The following ACTR3C variants were observed in gnomAD, a reference collection of about 807,000 sequenced individuals.
ACTR3C encodes actin related protein 3C, also known as actin-related protein 3C.
A neutral mutation model predicts 26.3 loss-of-function variants in ACTR3C; 18 were observed. The ratio of observed to expected loss-of-function variants is 0.68; its 90% CI spans 0.47 to 1.01. The LOEUF is 1.01. ACTR3C is among the 50% of genes least tolerant of loss of function. The probability of loss-of-function intolerance (pLI) is 0.00; values close to 1 mark genes in which losing one functional copy is unlikely to be tolerated. For missense variants in ACTR3C, 184 were observed against 250.7 expected, an observed-to-expected ratio of 0.73 and a Z score of 1.80; for synonymous variants, 55 against 94.5, an observed-to-expected ratio of 0.58 and a Z score of 2.42.
intron 1 of ACTR3C, among the ~76,000 whole-genome samples, chr7:150,318,174 G>A (rs1436680448): frequency 6.6e-6 from 1 of 152,182 alleles, no homozygotes; most frequent in Non-Finnish European, 1.5e-5. Context: ...TATCAGCCAG[G>A]ATGGGGAGGT....
chr7:150,023,800 C>T, the ACTR3C span, among the ~76,000 whole-genome samples: 2 of 145,002 alleles, frequency 1.4e-5, no homozygotes, highest in African/African-American at 5.0e-5. Flanking sequence ...AAGTACTCAT[C>T]CTTGAGTCTT....
chr7:150,009,102 G>A, the ACTR3C span, among the ~76,000 whole-genome samples: 2 of 152,250 alleles, frequency 1.3e-5, no homozygotes, highest in African/African-American at 4.8e-5. Context: ...TAGGCAGGCA[G>A]AGAGCACAGC....
At chr7:149,906,768 C>T in the ACTR3C span, among the ~76,000 whole-genome samples, 541 of 103,216 alleles carry the variant, frequency 5.2e-3, 1 homozygote, top group Non-Finnish European at 9.0e-3. Flanking sequence ...TAACTCTCTT[C>T]CCTAGGCCTT....
At chr7:150,023,342 T>TACATACATAGATAG in the ACTR3C span, among the ~76,000 whole-genome samples, 1 of 18,266 alleles carries the variant, frequency 5.5e-5, no homozygotes, top group African/African-American at 1.7e-4. Context: ...TACATACATA[T>TACATACATAGATAG]ATATTTTAGA....
At chr7:150,139,131 C>T in the ACTR3C span, among the ~76,000 whole-genome samples, 1 of 152,252 alleles carries the variant, frequency 6.6e-6, no homozygotes, top group Non-Finnish European at 1.5e-5. Context: ...AACCATCCCA[C>T]CCCACCCCAC....
At chr7:150,168,557 G>A in the ACTR3C span, among the ~76,000 whole-genome samples, 76 of 150,918 alleles carry the variant, frequency 5.0e-4, 2 homozygotes, top group Non-Finnish European at 9.0e-4. Flanking sequence ...TGCACAGTAA[G>A]TGTAATGCAC....
the ACTR3C span, among the ~76,000 whole-genome samples, chr7:149,892,993 A>G: frequency 0.013 from 1,909 of 152,196 alleles, 18 homozygotes; most frequent in Non-Finnish European, 0.02. Flanking sequence ...TAATGGCTTT[A>G]TAATTCATTA....
the ACTR3C span, among the ~76,000 whole-genome samples, chr7:149,938,783 T>C: frequency 1.3e-5 from 2 of 151,798 alleles, no homozygotes; most frequent in African/African-American, 2.4e-5. Flanking sequence ...TCATCTCATA[T>C]TGGTTTAACC....
the ACTR3C span, among the ~76,000 whole-genome samples, chr7:150,038,769 A>AT: frequency 7.0e-6 from 1 of 142,876 alleles, no homozygotes; most frequent in Non-Finnish European, 1.5e-5. Flanking sequence ...CAGGAGGGGA[A>AT]GAGGGTCTGG....
the ACTR3C span, chr7:150,002,903 C>G: frequency 6.6e-6 from 1 of 152,178 alleles, no homozygotes. Context: ...ACACACAGGA[C>G]CCAGGGTGGG....
At chr7:149,973,239 C>T in the ACTR3C span, among the ~76,000 whole-genome samples, 3 of 152,196 alleles carry the variant, frequency 2.0e-5, no homozygotes, top group African/African-American at 2.4e-5. Flanking sequence ...AAGGAGCACA[C>T]GGGTCACTCT....
chr7:150,034,102 C>G, the ACTR3C span, among the ~76,000 whole-genome samples: 46 of 151,278 alleles, frequency 3.0e-4, 1 homozygote, highest in African/African-American at 1.1e-3. Context: ...GATGCAGGTC[C>G]CAACAACCGG....
chr7:150,253,536 T>C lies in ACTR3C; in HGVS notation c.565-4482A>G, dbSNP rs555109710. Among the ~76,000 whole-genome samples the C allele has an allele frequency of 2.6e-5, 4 of 152,320 alleles. No homozygotes were observed. In the South Asian group the frequency reaches 8.3e-4, roughly 32 times the overall value. On this transcript the variant is annotated intron_variant, in intron 6 of 7. Coordinates refer to ENST00000683684, the MANE Select transcript of ACTR3C (RefSeq NM_001164458.2). ...GATCCCTTTTCTCTCCCTGGTGACA[T>C]TGCATCATGCGTCTTTGGTTTTTTG...
the ACTR3C span, among the ~76,000 whole-genome samples, chr7:150,077,311 G>C: frequency 1.1e-3 from 161 of 151,994 alleles, 6 homozygotes; most frequent in South Asian, 0.032. Context: ...AAGTGTGTCT[G>C]TGTGTGTGTG....
At chr7:150,058,625 T>C in the ACTR3C span, among the ~76,000 whole-genome samples, 7 of 152,032 alleles carry the variant, frequency 4.6e-5, no homozygotes, top group African/African-American at 1.4e-4. Context: ...TTTTTGAAAC[T>C]ATGAGAAGAG....
At chr7:150,294,437 C>T (rs1836560902) in intron 2 of ACTR3C, among the ~76,000 whole-genome samples, 1 of 152,234 alleles carries the variant, frequency 6.6e-6, no homozygotes, top group African/African-American at 2.4e-5. Context: ...ACTTTGAGAA[C>T]CACCAGTCTT....
the ACTR3C span, among the ~76,000 whole-genome samples, chr7:150,017,458 C>G: frequency 1.4e-5 from 2 of 142,200 alleles, no homozygotes; most frequent in Non-Finnish European, 1.5e-5. Context: ...TCCCAGAGAC[C>G]AACTGTGCCA....
At chr7:149,943,491 C>T in the ACTR3C span, among the ~76,000 whole-genome samples, 35 of 150,948 alleles carry the variant, frequency 2.3e-4, 1 homozygote, top group African/African-American at 8.2e-4. Context: ...TATTGGGAGG[C>T]CGAGGCGGGC....
the ACTR3C span, among the ~76,000 whole-genome samples, chr7:150,069,087 T>C: frequency 6.6e-6 from 1 of 152,178 alleles, no homozygotes. Context: ...TAAAACCTAC[T>C]ATGACTTTGA....
Sources: gnomAD v4.1 joint callset for allele counts (sites outside exome capture counted in the v4.1 genomes callset) on GRCh38, gnomAD v4.1.1 for gene constraint, MANE v1.5 for transcripts, NCBI Gene and HGNC (gene_info 2026-07-23, HGNC 2026-07-21) for gene names.